ALCAM: variants seen among roughly 807,000 people sequenced by gnomAD.
ALCAM encodes the protein CD166 antigen.
ALCAM carries 30 observed loss-of-function variants against 70.9 expected under a neutral mutation model. The ratio of observed to expected loss-of-function variants is 0.42; its 90% confidence interval spans 0.32 to 0.57. The LOEUF is 0.57. Among genes scored for constraint, ALCAM ranks in the 20% least tolerant of loss-of-function variants. The pLI is 0.11. For missense variants in ALCAM, 591 were observed against 695.1 expected (o/e 0.85, Z 1.68); for synonymous variants, 249 against 242.5 (o/e 1.03, Z -0.25).
chr3:105,525,411 T>TCA lies in ALCAM; in HGVS notation c.394+906_394+907dup, dbSNP rs1248165561. 4.2e-6 allele frequency: 4 copies of TCA among 951,264 alleles called. No individual in the cohort carries two copies. In the African/African-American group the frequency reaches 7.1e-5, roughly 17 times the overall value. The allele number at this position is 951,264 out of a possible 1,614,324, so 58.9% of individuals were successfully genotyped here. On this transcript the variant is annotated intron_variant, in intron 3 of 15. Coordinates refer to ENST00000306107, the MANE Select transcript of ALCAM (RefSeq NM_001627.4). The stretch of plus-strand genomic sequence containing the variant: ...AATAAAAAGTCCCGCCTCTATTACT[T>TCA]CACAATATTTTAGACACTACAGGGA...
intron 1 of ALCAM, among the ~76,000 whole-genome samples, chr3:105,508,749 C>T (rs1341809344): frequency 6.6e-6 from 1 of 152,018 alleles, no homozygotes; most frequent in East Asian, 1.9e-4. Context: ...ACCTGAAATC[C>T]ACTCTCTTAG....
At chr3:105,455,637 C>T (rs771664877) in intron 1 of ALCAM, among the ~76,000 whole-genome samples, 1 of 152,120 alleles carries the variant, frequency 6.6e-6, no homozygotes, top group African/African-American at 2.4e-5. Context: ...AAGGACTGGG[C>T]GGAAGTAGCT....
At chr3:105,554,466 G>A (rs759669375) in intron 14 of ALCAM, among the ~76,000 whole-genome samples, 7 of 151,818 alleles carry the variant, frequency 4.6e-5, no homozygotes, top group African/African-American at 7.3e-5. Context: ...CTACTGATTC[G>A]GTTCAAATAT....
chr3:105,525,528 C>A, intron 3 of ALCAM: 1 of 219,724 alleles, frequency 4.6e-6, no homozygotes, highest in Non-Finnish European at 7.7e-6. Context: ...TTCCCCTCTG[C>A]TTTCTGATAA....
intron 14 of ALCAM, among the ~76,000 whole-genome samples, chr3:105,567,979 AT>A (rs1271230196): frequency 3.3e-5 from 5 of 151,282 alleles, no homozygotes; most frequent in Non-Finnish European, 7.4e-5. Flanking sequence ...GTGATGGTTA[AT>A]TTTACGGTTT....
At chr3:105,423,769 C>T (rs1936726373) in intron 1 of ALCAM, among the ~76,000 whole-genome samples, 1 of 151,580 alleles carries the variant, frequency 6.6e-6, no homozygotes, top group African/African-American at 2.4e-5. Context: ...AAAGCAATCA[C>T]CACTTTAACA....
chr3:105,510,497 A>G (rs1266994389), intron 1 of ALCAM, among the ~76,000 whole-genome samples: 1 of 152,106 alleles, frequency 6.6e-6, no homozygotes, highest in East Asian at 1.9e-4. Context: ...ACTAGACTTC[A>G]CAGAGACTTT....
At chr3:105,563,107 A>G (rs1940662226) in intron 14 of ALCAM, among the ~76,000 whole-genome samples, 1 of 151,960 alleles carries the variant, frequency 6.6e-6, no homozygotes, top group East Asian at 1.9e-4. Context: ...CACCCAGCCA[A>G]ATTTCAATTT....
chr3:105,565,093 A>G (rs1177131704), intron 14 of ALCAM, among the ~76,000 whole-genome samples: 1 of 152,126 alleles, frequency 6.6e-6, no homozygotes, highest in Non-Finnish European at 1.5e-5. Flanking sequence ...CAAGGCTGCA[A>G]TGAGCTATAA....
chr3:105,382,638 G>A (rs1935551596), intron 1 of ALCAM, among the ~76,000 whole-genome samples: 1 of 151,946 alleles, frequency 6.6e-6, no homozygotes. Flanking sequence ...CATTCTAACT[G>A]GTGTGAGATG....
intron 6 of ALCAM, among the ~76,000 whole-genome samples, chr3:105,536,103 T>A (rs566817634): frequency 6.6e-6 from 1 of 151,816 alleles, no homozygotes; most frequent in Admixed American, 6.6e-5. Flanking sequence ...CTTTTTTTTT[T>A]TTTTGTGTGA....
intron 1 of ALCAM, among the ~76,000 whole-genome samples, chr3:105,369,473 G>C (rs1300577154): frequency 6.6e-6 from 1 of 152,188 alleles, no homozygotes; most frequent in Non-Finnish European, 1.5e-5. Flanking sequence ...TGGTTTCGGT[G>C]AATTACCGAG....
intron 14 of ALCAM, among the ~76,000 whole-genome samples, chr3:105,569,913 C>G (rs984079213): frequency 6.6e-6 from 1 of 152,214 alleles, no homozygotes; most frequent in East Asian, 1.9e-4. Flanking sequence ...CTGAAAGAAC[C>G]ATGCCTTAGG....
intron 14 of ALCAM, among the ~76,000 whole-genome samples, chr3:105,559,517 A>T (rs1940589498): frequency 6.6e-6 from 1 of 151,974 alleles, no homozygotes; most frequent in African/African-American, 2.4e-5. Context: ...GCAGGAGGCA[A>T]GAGAGCTCTC....
chr3:105,511,800 C>T (rs1939245522), intron 1 of ALCAM, among the ~76,000 whole-genome samples: 2 of 151,964 alleles, frequency 1.3e-5, no homozygotes, highest in South Asian at 2.1e-4. Context: ...AGGTTAGATA[C>T]TTAATGTGGA....
intron 1 of ALCAM, among the ~76,000 whole-genome samples, chr3:105,480,501 T>C (rs1375831828): frequency 1.3e-5 from 2 of 152,172 alleles, no homozygotes; most frequent in African/African-American, 4.8e-5. Flanking sequence ...AAATATTTTC[T>C]AAGAGGTGGT....
At chr3:105,494,818 C>A (rs1021859796) in intron 1 of ALCAM, among the ~76,000 whole-genome samples, 1 of 152,118 alleles carries the variant, frequency 6.6e-6, no homozygotes, top group Non-Finnish European at 1.5e-5. Context: ...CACCACCACA[C>A]CTGGCTAATC....
intron 1 of ALCAM, among the ~76,000 whole-genome samples, chr3:105,496,083 A>G (rs1232125005): frequency 2.0e-5 from 3 of 152,192 alleles, no homozygotes. Context: ...CGTATGAGAA[A>G]ATAAATATGA....
chr3:105,510,000 CTAA>C (rs1488071584), intron 1 of ALCAM, among the ~76,000 whole-genome samples: 3 of 151,970 alleles, frequency 2.0e-5, no homozygotes, highest in African/African-American at 7.2e-5. Context: ...TCATAGTCTA[CTAA>C]TGTCAGTGGG....
Sources: allele counts gnomAD v4.1 joint callset (sites outside exome capture counted in the v4.1 genomes callset), GRCh38; gene constraint gnomAD v4.1.1; transcripts MANE v1.5; gene names NCBI Gene and HGNC (gene_info 2026-07-23, HGNC 2026-07-21).